The following NPR3 variants were observed in gnomAD, a reference collection of about 807,000 sequenced individuals.
NPR3 encodes the protein natriuretic peptide receptor 3.
A neutral mutation model predicts 54.5 loss-of-function variants in NPR3; 34 were observed. The observed-to-expected ratio is 0.62, with a 90% CI of 0.47 to 0.83. NPR3 has a LOEUF of 0.83. Ranked by LOEUF, NPR3 falls within the 40% of genes least tolerant of loss-of-function variation. The pLI is 0.00. For missense variants in NPR3, 674 were observed against 720.8 expected (o/e 0.94, Z 0.74); for synonymous variants, 289 against 297.1 (o/e 0.97, Z 0.28).
chr5:32,728,482 A>G (rs1460654547), intron 2 of NPR3, among the ~76,000 whole-genome samples: 1 of 135,030 alleles, frequency 7.4e-6, no homozygotes, highest in Non-Finnish European at 1.6e-5. Flanking sequence ...AAAAAAAAAG[A>G]GTCTTTTTCT....
At position 32,729,026 on chromosome 5, in the gene NPR3, TTTTG is replaced by T. The variant is rs1406346723; in HGVS notation, c.892+4210_892+4213del. Among the ~76,000 whole-genome samples the T allele has an allele frequency of 1.3e-3, 122 of 95,992 alleles. 4 individuals are homozygous for T. Among genetic ancestry groups the T allele is most frequent in the East Asian group, 2.5e-3 (9 of 3,612 alleles). 63.0% of individuals were successfully genotyped at this position (95,992 alleles called of 152,430 possible). On this transcript the variant is annotated intron_variant, in intron 2 of 7. Coordinates refer to ENST00000265074, the MANE Select transcript of NPR3 (RefSeq NM_001204375.2). ...TGTGTGCCTGTGTGTTTTTTTTTTT[TTTTG>T]TTTTGTTTTTTTTTTTTGAGACGGA...
intron 2 of NPR3, among the ~76,000 whole-genome samples, chr5:32,727,802 TTC>T (rs900820949): frequency 1.4e-4 from 21 of 152,342 alleles, no homozygotes; most frequent in African/African-American, 5.0e-4. Flanking sequence ...GACAGTTTTT[TTC>T]TCTGTTTTGA....
In NPR3 at chr5:32,712,406, G is replaced by C. The variant is rs1738300509; in HGVS notation, c.630G>C (p.Glu210Asp). 1 of 1,613,294 alleles carries C rather than the reference G, an allele frequency of 6.2e-7. No homozygotes were observed. The highest frequency in any genetic ancestry group is 8.5e-7 in the Non-Finnish European group (1 of 1,179,640). Residue 210 changes from glutamate to aspartate, a missense_variant, in exon 1 of 8, where the codon GAG (glutamate) becomes GAC (aspartate). Glu to Asp is a conservative substitution (Grantham distance 45). Coordinates refer to ENST00000265074, the MANE Select transcript of NPR3 (RefSeq NM_001204375.2). ...AALVYSDDKL[E>D]RNCYFTLEGV... ...TGGTCTACAGCGACGACAAGCTGGAGCGGAACTGCTACTTCACCCTCGAGG... is the reference window on the plus strand; with the variant it reads ...TGGTCTACAGCGACGACAAGCTGGACCGGAACTGCTACTTCACCCTCGAGG...
intron 3 of NPR3, among the ~76,000 whole-genome samples, chr5:32,754,153 A>G (rs1740714060): frequency 6.6e-6 from 1 of 152,164 alleles, no homozygotes; most frequent in African/African-American, 2.4e-5. Context: ...AGGCCTGGCC[A>G]TTGATGCTGC....
chr5:32,782,901 T>G lies in NPR3; in HGVS notation c.1299T>G (p.Gly433=). Residue 433 remains glycine, a synonymous_variant, in exon 6 of 8, where the codon GGT becomes GGG. Transcript: ENST00000265074. The part of the protein sequence containing the change: ...DVEAGTQEVI[G]DYFGKEGRFE... ...TTTTTGCCTCTATATAGGTTATTGG[T>G]GATTATTTTGGAAAAGAAGGTCGTT... 2 of 1,611,074 alleles carry G rather than the reference T, an allele frequency of 1.2e-6. No homozygotes were observed. Among genetic ancestry groups the G allele is most frequent in the Non-Finnish European group, 1.7e-6 (2 of 1,178,502 alleles).
intron 3 of NPR3, among the ~76,000 whole-genome samples, chr5:32,754,946 C>T (rs934156586): frequency 5.9e-5 from 9 of 152,208 alleles, no homozygotes; most frequent in East Asian, 5.8e-4. Flanking sequence ...CTGCAAGCTC[C>T]GCTTCCCAGG....
In NPR3 at chr5:32,712,302, C is replaced by T. The variant is rs1561075244; in HGVS notation, c.526C>T (p.Arg176Cys). The change falls in exon 1 of 8, where the codon CGC becomes TGC. Residue 176 changes from arginine to cysteine, a missense_variant. Arg to Cys is a radical substitution (Grantham distance 180). Coordinates refer to ENST00000265074, the MANE Select transcript of NPR3 (RefSeq NM_001204375.2). The part of the protein sequence containing the change: ...HKDSEYSHLT[R>C]VAPAYAKMGE... ...GGACTCTGAGTACTCGCACCTCACG[C>T]GCGTGGCGCCCGCCTACGCCAAGAT... 6.2e-7 allele frequency: 1 copy of T among 1,613,268 alleles called. No homozygotes were observed. The highest frequency in any genetic ancestry group is 8.5e-7 in the Non-Finnish European group (1 of 1,179,796).
chr5:32,739,944 G>C (rs1006459392), intron 3 of NPR3, among the ~76,000 whole-genome samples: 1 of 152,044 alleles, frequency 6.6e-6, no homozygotes, highest in African/African-American at 2.4e-5. Flanking sequence ...GCAGTGGCGC[G>C]ATCACGGCTC....
At chr5:32,722,393 T>C (rs976576) in intron 1 of NPR3, among the ~76,000 whole-genome samples, 109,487 of 152,120 alleles carry the variant, frequency 0.72, 40,099 homozygotes, top group Middle Eastern at 0.8. Context: ...TGCTCAGGTA[T>C]AGGGCATGTT....
chr5:32,724,665 G>T (rs775774947), intron 1 of NPR3, 33 bp from the exon 2 acceptor site: 1 of 1,613,274 alleles, frequency 6.2e-7, no homozygotes, highest in Non-Finnish European at 8.5e-7. Context: ...CTGCAAAGGG[G>T]TGCCTCATGT....
intron 1 of NPR3, among the ~76,000 whole-genome samples, chr5:32,720,670 G>A (rs1004226822): frequency 3.9e-5 from 6 of 152,044 alleles, no homozygotes; most frequent in Admixed American, 6.6e-5. Context: ...TTAACAATGC[G>A]ACCCAAAATT....
intron 3 of NPR3, among the ~76,000 whole-genome samples, chr5:32,773,574 T>G (rs1478801253): frequency 6.6e-6 from 1 of 152,212 alleles, no homozygotes; most frequent in African/African-American, 2.4e-5. Context: ...CCTGACTGTG[T>G]GTTTTTGCCC....
rs374966067 is a variant in NPR3, at chr5:32,724,749, C to T, written c.821C>T (p.Ala274Val). ...SDTIRSIMLV[A>V]HRHGMTSGDY... ...ACCATCCGGAGCATCATGCTGGTGG[C>T]GCACAGGCATGGCATGACCAGTGGA... Residue 274 changes from alanine to valine, a missense_variant, in exon 2 of 8, where the codon GCG becomes GTG. By Grantham distance (64) the Ala-to-Val change is moderately conservative. Coordinates refer to ENST00000265074, the MANE Select transcript of NPR3 (RefSeq NM_001204375.2). 88 of 1,613,716 alleles carry T rather than the reference C, an allele frequency of 5.5e-5. No homozygotes were observed. The highest frequency in any genetic ancestry group is 1.3e-4 in the East Asian group (6 of 44,894).
intron 3 of NPR3, among the ~76,000 whole-genome samples, chr5:32,763,795 G>A (rs1193777311): frequency 6.6e-6 from 1 of 152,136 alleles, no homozygotes; most frequent in African/African-American, 2.4e-5. Context: ...TATACTGGAT[G>A]TTGTGGATAT....
intron 3 of NPR3, among the ~76,000 whole-genome samples, chr5:32,755,750 C>G (rs931724712): frequency 2.0e-5 from 3 of 152,204 alleles, no homozygotes; most frequent in Non-Finnish European, 4.4e-5. Context: ...AAAACACCAT[C>G]ATCTCCAAGT....
intron 1 of NPR3, among the ~76,000 whole-genome samples, chr5:32,697,950 C>A (rs999329088): frequency 6.6e-6 from 1 of 151,496 alleles, no homozygotes; most frequent in African/African-American, 2.4e-5. Flanking sequence ...TCATTTTGTT[C>A]ATCTTTTGTA....
intron 1 of NPR3, among the ~76,000 whole-genome samples, chr5:32,691,677 A>G (rs1740391403): frequency 6.6e-6 from 1 of 152,248 alleles, no homozygotes; most frequent in Non-Finnish European, 1.5e-5. Context: ...TGTACTAAGT[A>G]AAATAAAACA....
intron 2 of NPR3, among the ~76,000 whole-genome samples, chr5:32,733,882 A>G (rs950780925): frequency 1.3e-5 from 2 of 152,012 alleles, no homozygotes; most frequent in Non-Finnish European, 2.9e-5. Flanking sequence ...GATGAAATGA[A>G]TGTAGGTTAG....
intron 3 of NPR3, among the ~76,000 whole-genome samples, chr5:32,758,582 G>T (rs1561115420): frequency 6.6e-6 from 1 of 151,900 alleles, no homozygotes; most frequent in African/African-American, 2.4e-5. Context: ...TTTTTGAAGG[G>T]TTTTTTGTGT....
Sources: gnomAD v4.1 joint callset for allele counts (sites outside exome capture counted in the v4.1 genomes callset) on GRCh38, gnomAD v4.1.1 for gene constraint, MANE v1.5 for transcripts, NCBI Gene and HGNC (gene_info 2026-07-23, HGNC 2026-07-21) for gene names.